Variants in GRIK4 observed in about 807,000 individuals in gnomAD.
The protein encoded by GRIK4 is glutamate receptor ionotropic, kainate 4.
A neutral mutation model predicts 104.9 loss-of-function variants in GRIK4; 40 were observed. That is an observed-to-expected ratio of 0.38 (90% CI 0.30 to 0.50). The LOEUF is 0.50. GRIK4 is among the 20% of genes least tolerant of loss of function. GRIK4 has a pLI of 0.93. For synonymous variants in GRIK4, 485 were observed against 524.9 expected, an observed-to-expected ratio of 0.92 and a Z score of 1.04; for missense variants, 1,047 against 1,308.1, an observed-to-expected ratio of 0.80 and a Z score of 3.08.
intron 19 of GRIK4, among the ~76,000 whole-genome samples, chr11:120,973,124 A>G (rs1413341930): frequency 6.6e-6 from 1 of 152,208 alleles, no homozygotes; most frequent in African/African-American, 2.4e-5. Context: ...AAAATTCTCT[A>G]CGTTTTTGGC....
intron 3 of GRIK4, among the ~76,000 whole-genome samples, chr11:120,694,752 G>C (rs1802062464): frequency 1.3e-5 from 2 of 152,182 alleles, no homozygotes; most frequent in African/African-American, 2.4e-5. Flanking sequence ...AGGCTGTCTG[G>C]AGCCCACTTG....
intron 3 of GRIK4, among the ~76,000 whole-genome samples, chr11:120,707,264 T>C (rs1393702800): frequency 6.6e-6 from 1 of 152,212 alleles, no homozygotes; most frequent in African/African-American, 2.4e-5. Context: ...GCCATCGATG[T>C]ATCAGTGTAT....
At chr11:120,650,427 T>C (rs1167233905) in intron 1 of GRIK4, among the ~76,000 whole-genome samples, 1 of 152,232 alleles carries the variant, frequency 6.6e-6, no homozygotes, top group Admixed American at 6.5e-5. Flanking sequence ...CTGTGCCATA[T>C]CCCATCCTAG....
At chr11:120,589,614 G>T (rs1045237314) in intron 1 of GRIK4, among the ~76,000 whole-genome samples, 1 of 152,122 alleles carries the variant, frequency 6.6e-6, no homozygotes, top group East Asian at 1.9e-4. Context: ...AGCGGCCACC[G>T]TTTGCTCTGG....
At chr11:120,556,445 G>T (rs958998063) in intron 1 of GRIK4, among the ~76,000 whole-genome samples, 2 of 152,048 alleles carry the variant, frequency 1.3e-5, no homozygotes, top group Non-Finnish European at 2.9e-5. Context: ...AAGTCATTTC[G>T]CAAGGATAAC....
intron 3 of GRIK4, among the ~76,000 whole-genome samples, chr11:120,794,574 C>A (rs1952474311): frequency 6.6e-6 from 1 of 152,100 alleles, no homozygotes. Context: ...AGCACACAGG[C>A]ATGCACAGAG....
At chr11:120,548,510 G>A (rs577819738) in intron 1 of GRIK4, among the ~76,000 whole-genome samples, 7 of 152,200 alleles carry the variant, frequency 4.6e-5, no homozygotes, top group South Asian at 2.1e-4. Flanking sequence ...CAGGAGGAGC[G>A]GGAGGAGATG....
At chr11:120,564,663 G>C (rs1256007193) in intron 1 of GRIK4, 2 of 152,332 alleles carry the variant, frequency 1.3e-5, no homozygotes, top group African/African-American at 4.8e-5. Context: ...CCGACGCCGC[G>C]AGGGCAGCGC....
chr11:120,689,130 A>G (rs549326769), intron 3 of GRIK4, among the ~76,000 whole-genome samples: 1 of 152,240 alleles, frequency 6.6e-6, no homozygotes, highest in South Asian at 2.1e-4. Context: ...GGATGGGTGG[A>G]GGGCCTTCCA....
At chr11:120,557,644 G>T (rs1033273057) in intron 1 of GRIK4, among the ~76,000 whole-genome samples, 3 of 152,204 alleles carry the variant, frequency 2.0e-5, no homozygotes, top group African/African-American at 7.2e-5. Context: ...ATTCTCGTCT[G>T]AATCTGGAAG....
rs55750415 is a variant in GRIK4 at position 120,587,022 on chromosome 11, G to C, written c.-158-66663G>C. Among the ~76,000 whole-genome samples, 52 of 152,350 alleles carry C rather than the reference G, an allele frequency of 3.4e-4. 1 individual carries two copies. In the South Asian group the frequency reaches 5.4e-3, roughly 16 times the overall value. Reference sequence around the variant, plus strand: ...TGAAATTGCTTTGTAATAACAGTAGGAGTTAGAGAGGCATTTTTATTGATT... The same window carrying C: ...TGAAATTGCTTTGTAATAACAGTAGCAGTTAGAGAGGCATTTTTATTGATT... On this transcript the variant is annotated intron_variant, in intron 1 of 20. Coordinates refer to ENST00000527524, the MANE Select transcript of GRIK4 (RefSeq NM_014619.5).
At chr11:120,739,909 C>T (rs1304893656) in intron 3 of GRIK4, among the ~76,000 whole-genome samples, 1 of 152,210 alleles carries the variant, frequency 6.6e-6, no homozygotes, top group African/African-American at 2.4e-5. Context: ...CTAACAAGAT[C>T]ACACACAGAC....
At chr11:120,786,530 C>T (rs1253944975) in intron 3 of GRIK4, among the ~76,000 whole-genome samples, 1 of 152,218 alleles carries the variant, frequency 6.6e-6, no homozygotes, top group Non-Finnish European at 1.5e-5. Flanking sequence ...GTCCCCAGTC[C>T]TGCCCACCCA....
In GRIK4 at chr11:120,532,720, T is replaced by A. The variant is rs891299098; in HGVS notation, c.-159+20833T>A. 2.6e-5 allele frequency among the ~76,000 whole-genome samples: 4 copies of A among 152,234 alleles called. No individual in the cohort carries two copies. The East Asian group carries it at 7.7e-4, about 29-fold the overall frequency. On this transcript the variant is annotated intron_variant, in intron 1 of 20. Coordinates refer to ENST00000527524, the MANE Select transcript of GRIK4 (RefSeq NM_014619.5). ...CTTGCAGTTACTAGTCCCTCCCAAG[T>A]GGATTCCTGTGATTCATCCCTCAAC...
chr11:120,833,590 G>T lies in GRIK4; in HGVS notation c.690+1560G>T, dbSNP rs116146849. On this transcript the variant is annotated intron_variant, in intron 7 of 20. Transcript: ENST00000527524. ...AGCCCCCAGGTAGAAGCTTCTGGGG[G>T]CCAGCCTTGTGCCCTCCATAGCTCC... is the stretch of plus-strand genomic sequence containing the variant. 9.0e-3 allele frequency among the ~76,000 whole-genome samples: 1,366 copies of T among 152,270 alleles called. 23 individuals carry two copies. Among genetic ancestry groups the T allele is most frequent in the African/African-American group, 0.031 (1,277 of 41,546 alleles).
chr11:120,622,025 C>T (rs1208815006), intron 1 of GRIK4, among the ~76,000 whole-genome samples: 3 of 151,970 alleles, frequency 2.0e-5, no homozygotes, highest in Admixed American at 6.6e-5. Flanking sequence ...CTCAGCCTCC[C>T]GAGTAGCTGT....
chr11:120,685,374 G>C (rs1413494824), intron 3 of GRIK4, among the ~76,000 whole-genome samples: 4 of 152,198 alleles, frequency 2.6e-5, no homozygotes, highest in African/African-American at 9.7e-5. Flanking sequence ...TAAAGTTTGA[G>C]AAACATGGGT....
At chr11:120,837,514 C>T (rs569205439) in intron 8 of GRIK4, among the ~76,000 whole-genome samples, 4 of 152,136 alleles carry the variant, frequency 2.6e-5, no homozygotes, top group Non-Finnish European at 5.9e-5. Flanking sequence ...GGTAGTCTAG[C>T]GTGCACATAG....
At chr11:120,863,959 A>G (rs1334171402) in intron 9 of GRIK4, among the ~76,000 whole-genome samples, 2 of 152,186 alleles carry the variant, frequency 1.3e-5, no homozygotes, top group Non-Finnish European at 2.9e-5. Context: ...AAAGAGTTTC[A>G]TGCAGGTTTA....
Sources: allele counts gnomAD v4.1 joint callset (sites outside exome capture counted in the v4.1 genomes callset), GRCh38; gene constraint gnomAD v4.1.1; transcripts MANE v1.5; gene names NCBI Gene and HGNC (gene_info 2026-07-23, HGNC 2026-07-21).